Variants in RNASEK observed in about 807,000 individuals in gnomAD.
The protein encoded by RNASEK is ribonuclease K.
Under a neutral mutation model 11.2 loss-of-function variants are expected in RNASEK, and 7 were observed. The ratio of observed to expected loss-of-function variants is 0.62; its 90% CI spans 0.35 to 1.17. The LOEUF is 1.17. Ranked by LOEUF, RNASEK falls within the 50% of genes most tolerant of loss-of-function variation. The pLI, the probability that RNASEK is intolerant of heterozygous loss-of-function variation, is 0.02. For synonymous variants in RNASEK, 46 were observed against 49.5 expected, an observed-to-expected ratio of 0.93 and a Z score of 0.30; for missense variants, 101 against 126.7, an observed-to-expected ratio of 0.80 and a Z score of 0.97.
chr17:7,013,679 T>C lies in RNASEK; in HGVS notation c.92T>C (p.Ile31Thr), dbSNP rs1909596054. Reference sequence around the variant, plus strand: ...CCCCTTTTCCAGATAATGCTCGGAATATTTTTCAATGTCCATTCCGCTGTG... The same window carrying C: ...CCCCTTTTCCAGATAATGCTCGGAACATTTTTCAATGTCCATTCCGCTGTG... ...WGVIMLIMLGIFFNVHSAVLI... is the reference protein window; with the variant it reads ...WGVIMLIMLGTFFNVHSAVLI... The change falls in exon 2 of 3, where the codon ATA becomes ACA. Residue 31 changes from isoleucine (I) to threonine (T), a missense_variant. By Grantham distance (89) the Ile-to-Thr change is moderately conservative. Coordinates refer to ENST00000593646, the MANE Select transcript of RNASEK (RefSeq NM_001004333.5). The C allele has an allele frequency of 6.2e-7, 1 of 1,613,660 alleles. No individual in the cohort carries two copies. Among genetic ancestry groups the C allele is most frequent in the African/African-American group, 1.3e-5 (1 of 74,910 alleles).
chr17:7,013,353 A>T, intron 1 of RNASEK: 1 of 1,529,334 alleles, frequency 6.5e-7, no homozygotes, highest in Non-Finnish European at 8.8e-7. Context: ...AAGAAATGAT[A>T]TGAAGAAGTG....
Position 7,012,923 on chromosome 17 carries a change from GAGACCAGCCTGACCAACATGGTGAA to G in RNASEK, c.78+164_78+188del, listed in dbSNP as rs1397324311. 1.1e-5 allele frequency: 7 copies of G among 643,546 alleles called. No homozygotes were observed. The African/African-American group carries it at 1.3e-4, about 12-fold the overall frequency. The allele number at this position is 643,546 out of a possible 1,614,324, so 39.9% of individuals were successfully genotyped here. On this transcript the variant is annotated intron_variant, in intron 1 of 2. Coordinates refer to ENST00000593646, the MANE Select transcript of RNASEK (RefSeq NM_001004333.5). Reference sequence around the variant, plus strand: ...TGAAATTGAAAAATGGGAACTGTTCGAGACCAGCCTGACCAACATGGTGAAACCCCGTCTCCAATAAAAATACAAA... The same window carrying G: ...TGAAATTGAAAAATGGGAACTGTTCGACCCCGTCTCCAATAAAAATACAAA...
chr17:7,013,410 T>A, intron 1 of RNASEK: 1 of 1,535,856 alleles, frequency 6.5e-7, no homozygotes, highest in South Asian at 1.2e-5. Flanking sequence ...TGATGACGCC[T>A]CCAGAGAGGA....
At chr17:7,013,201 C>G (rs1022315369) in intron 1 of RNASEK, 2 of 706,638 alleles carry the variant, frequency 2.8e-6, no homozygotes, top group Non-Finnish European at 2.3e-6. Flanking sequence ...GGTGGAGACC[C>G]CTCAAGGTAG....
rs1909660782 is a variant in RNASEK, at chr17:7,014,420, T to C, written c.*134T>C. 1 of 910,790 alleles carries C rather than the reference T, an allele frequency of 1.1e-6. No homozygotes were observed. The highest frequency in any genetic ancestry group is 1.7e-5 in the African/African-American group (1 of 60,122). The allele number at this position is 910,790 out of a possible 1,614,324, so 56.4% of individuals were successfully genotyped here. A position where few individuals can be genotyped will look rare whatever the true frequency, so the allele number is the denominator to read the frequency against. ...TTCCCGGGCGAGAGACTGAATCCCT[T>C]CTCCCATCTCTGGCATCCGGCCCCC... On this transcript the variant is annotated 3_prime_UTR_variant, in exon 3 of 3. Coordinates refer to ENST00000593646, the MANE Select transcript of RNASEK (RefSeq NM_001004333.5). The surrounding 1 kb of genome is among the most constrained non-coding windows in gnomAD (Gnocchi z 4.5).
At position 7,013,741 on chromosome 17, in the gene RNASEK, G is replaced by GAGTA; in HGVS notation, c.155+4_155+7dup. Reference sequence around the variant, plus strand: ...CGTTCCCTTCACGGAGAAAGATTTTGAGTAAGTATTCGGGTGGGGGAGGCG... The same window carrying GAGTA: ...CGTTCCCTTCACGGAGAAAGATTTTGAGTAAGTAAGTATTCGGGTGGGGGAGGCG... On this transcript the variant is annotated stop_gained and frameshift_variant and splice_region_variant, in exon 2 of 3. Transcript: ENST00000593646. LOFTEE classifies it high-confidence loss of function. 4 of 1,568,640 alleles carry GAGTA rather than the reference G, an allele frequency of 2.5e-6. No individual in the cohort carries two copies. Among genetic ancestry groups the GAGTA allele is most frequent in the Non-Finnish European group, 3.5e-6 (4 of 1,139,702 alleles).
chr17:7,013,210 A>C, intron 1 of RNASEK: 89 of 758,746 alleles, frequency 1.2e-4, no homozygotes, highest in East Asian at 1.4e-4. Flanking sequence ...CCCTCAAGGT[A>C]GGAGAAACAA....
At chr17:7,013,771 G>T in intron 2 of RNASEK, 29 bp downstream of exon 2, 1 of 1,467,556 alleles carries the variant, frequency 6.8e-7, no homozygotes, top group South Asian at 1.1e-5. Context: ...GAGGCGGGCT[G>T]GGAGCAGGTG....
chr17:7,014,199 C>G lies in RNASEK; in HGVS notation c.210C>G (p.Phe70Leu), dbSNP rs751538929. 10 of 1,598,904 alleles carry G rather than the reference C, an allele frequency of 6.3e-6. No individual in the cohort carries two copies. Among genetic ancestry groups the G allele is most frequent in the Non-Finnish European group, 8.5e-6 (10 of 1,172,530 alleles). The change falls in exon 3 of 3, where the codon TTC becomes TTG. Residue 70 changes from phenylalanine to leucine, a missense_variant. Transcript: ENST00000593646. This position sits in a 1 kb window ranked among gnomAD's most constrained non-coding sequence, Gnocchi z 4.5. ...NLYEQVSYNC[F>L]IAAGLYLLLG... is the part of the protein sequence containing the mutation. ...ACGAGCAAGTCAGCTACAACTGTTT[C>G]ATCGCTGCAGGCCTTTACCTCCTCC...
At chr17:7,012,958 C>A in intron 1 of RNASEK, 197 bp downstream of exon 1, 1 of 590,164 alleles carries the variant, frequency 1.7e-6, no homozygotes, top group Non-Finnish European at 3.0e-6. Flanking sequence ...AACCCCGTCT[C>A]CAATAAAAAT....
Position 7,014,378 on chromosome 17 carries a change from C to T in RNASEK, c.*92C>T, listed in dbSNP as rs1250418638. Reference sequence around the variant, plus strand: ...GGTCGCGTCCCACCCTTGCCGGCGCCCTCTGCGGGACTGGGTTTCCCGGGC... The same window carrying T: ...GGTCGCGTCCCACCCTTGCCGGCGCTCTCTGCGGGACTGGGTTTCCCGGGC... On this transcript the variant is annotated 3_prime_UTR_variant, in exon 3 of 3. Transcript: ENST00000593646. This position sits in a 1 kb window ranked among gnomAD's most constrained non-coding sequence, Gnocchi z 4.5. 1 of 1,391,988 alleles carries T rather than the reference C, an allele frequency of 7.2e-7. No homozygotes were observed. The highest frequency in any genetic ancestry group is 1.9e-5 in the Admixed American group (1 of 52,178). The allele number at this position is 1,391,988 out of a possible 1,614,324, so 86.2% of individuals were successfully genotyped here.
chr17:7,013,866 C>G (rs1225531605), intron 2 of RNASEK, 124 bp downstream of exon 2: 1 of 859,098 alleles, frequency 1.2e-6, no homozygotes, highest in East Asian at 2.4e-5. Flanking sequence ...GAGAGGAGAG[C>G]GGCTTTCTTG....
intron 1 of RNASEK, chr17:7,013,454 T>C: frequency 6.5e-7 from 1 of 1,538,916 alleles, no homozygotes; most frequent in Non-Finnish European, 8.7e-7. Context: ...GATGGCTTGG[T>C]CACTATTCCC....
Position 7,014,119 on chromosome 17 carries a change from C to T in RNASEK, c.156-26C>T. 1 of 1,551,130 alleles carries T rather than the reference C, an allele frequency of 6.4e-7. No homozygotes were observed. Among genetic ancestry groups the T allele is most frequent in the African/African-American group, 1.4e-5 (1 of 73,138 alleles). ...AATGTTGGCTCCTATTAAAGTTTGA[C>T]CCCTTTGCTTCATTCCCACCCCCAG... is the stretch of plus-strand genomic sequence containing the variant. On this transcript the variant is annotated intron_variant, in intron 2 of 2. Transcript: ENST00000593646. This position sits in a 1 kb window ranked among gnomAD's most constrained non-coding sequence, Gnocchi z 4.5.
intron 1 of RNASEK, chr17:7,013,309 G>A: frequency 1.3e-6 from 2 of 1,506,946 alleles, no homozygotes; most frequent in Non-Finnish European, 1.8e-6. Flanking sequence ...GCTGGGCCTT[G>A]TTTTCCCAGT....
rs1181654568 is a variant in RNASEK at position 7,013,665 on chromosome 17, G to A, written c.79-1G>A. 6.2e-7 allele frequency: 1 copy of A among 1,612,838 alleles called. No homozygotes were observed. Among genetic ancestry groups the A allele is most frequent in the Non-Finnish European group, 8.5e-7 (1 of 1,178,926 alleles). ...ACAGTCTACCCATTCCCCTTTTCCA[G>A]ATAATGCTCGGAATATTTTTCAATG... On this transcript the variant is annotated splice_acceptor_variant, in intron 1 of 2. Coordinates refer to ENST00000593646, the MANE Select transcript of RNASEK (RefSeq NM_001004333.5). LOFTEE classifies it high-confidence loss of function.
At chr17:7,012,787 G>A (rs1265393085) in intron 1 of RNASEK, 26 bp downstream of exon 1, 4 of 1,606,428 alleles carry the variant, frequency 2.5e-6, no homozygotes, top group East Asian at 4.5e-5. Context: ...GGCAAGGATC[G>A]GAGAGGGCCT....
At chr17:7,013,492 G>C (rs747276071) in intron 1 of RNASEK, 174 bp from the exon 2 acceptor site, 17 of 1,562,486 alleles carry the variant, frequency 1.1e-5, no homozygotes, top group Non-Finnish European at 8.6e-6. Context: ...TTGTCTCAAT[G>C]TCACCACCTC....
In RNASEK at chr17:7,012,731, C is replaced by T. The variant is rs1479269718; in HGVS notation, c.48C>T (p.Ile16=). 6.2e-7 allele frequency: 1 copy of T among 1,613,328 alleles called. No homozygotes were observed. Among genetic ancestry groups the T allele is most frequent in the Non-Finnish European group, 8.5e-7 (1 of 1,179,822 alleles). Reference sequence around the variant, plus strand: ...GGCCGAAGCTGGCCGCCTGCGGCATCGTCCTCAGCGCCTGGGGAGTGATCA... The same window carrying T: ...GGCCGAAGCTGGCCGCCTGCGGCATTGTCCTCAGCGCCTGGGGAGTGATCA... ...CCGPKLAACG[I]VLSAWGVIML... Residue 16 remains isoleucine (I), a synonymous_variant, in exon 1 of 3, where the codon ATC becomes ATT. Coordinates refer to ENST00000593646, the MANE Select transcript of RNASEK (RefSeq NM_001004333.5).
Sources: gnomAD v4.1 joint callset for allele counts on GRCh38, gnomAD v4.1.1 for gene constraint, Gnocchi (gnomAD v3.1) non-coding constraint, MANE v1.5 for transcripts, NCBI Gene and HGNC (gene_info 2026-07-23, HGNC 2026-07-21) for gene names.